RNF13: variants seen among roughly 807,000 people sequenced by gnomAD.
The protein encoded by RNF13 is ring finger protein 13, also known as E3 ubiquitin-protein ligase RNF13.
RNF13 carries 19 observed loss-of-function variants against 37.7 expected under a neutral mutation model. The observed-to-expected ratio is 0.50, with a 90% CI of 0.35 to 0.74. The LOEUF (loss-of-function observed/expected upper bound fraction) is 0.74. RNF13 is among the 30% of genes least tolerant of loss of function. The pLI is 0.01. For missense variants in RNF13, 375 were observed against 453.0 expected (o/e 0.83, Z 1.56); for synonymous variants, 144 against 157.8 (o/e 0.91, Z 0.65).
At chr3:149,892,276 A>G (rs1229046350) in intron 4 of RNF13, among the ~76,000 whole-genome samples, 1 of 152,202 alleles carries the variant, frequency 6.6e-6, no homozygotes, top group Non-Finnish European at 1.5e-5. Flanking sequence ...GGATGTGTGA[A>G]AGACATATTT....
intron 1 of RNF13, among the ~76,000 whole-genome samples, chr3:149,814,807 G>A (rs1425849157): frequency 1.3e-5 from 2 of 152,140 alleles, no homozygotes; most frequent in African/African-American, 2.4e-5. Context: ...AATAAGAAAT[G>A]AGTTGTTATG....
intron 1 of RNF13, among the ~76,000 whole-genome samples, chr3:149,842,587 A>T (rs1030542122): frequency 5.3e-5 from 8 of 152,226 alleles, no homozygotes; most frequent in Non-Finnish European, 7.3e-5. Flanking sequence ...TGCAATTATT[A>T]TAATGCCAGC....
intron 8 of RNF13, among the ~76,000 whole-genome samples, chr3:149,942,493 TG>T (rs1278618105): frequency 1.3e-5 from 2 of 152,132 alleles, no homozygotes; most frequent in African/African-American, 4.8e-5. Flanking sequence ...TGTTTTGTTT[TG>T]TTTTTTTTAC....
intron 7 of RNF13, among the ~76,000 whole-genome samples, chr3:149,918,234 T>TA (rs1279448432): frequency 8.5e-5 from 13 of 152,222 alleles, no homozygotes; most frequent in African/African-American, 2.7e-4. Context: ...ATTTTATACT[T>TA]ACAGCACATC....
At position 149,912,774 on chromosome 3, in the gene RNF13, G is replaced by A. The variant is rs567952306; in HGVS notation, c.606+691G>A. On this transcript the variant is annotated intron_variant, in intron 7 of 9. Coordinates refer to ENST00000392894, the MANE Select transcript of RNF13 (RefSeq NM_183381.3). ...GACATATTATTTCTCCATAACGGTGGTTATCAAAATACGGTTACAAGACTA... is the reference window on the plus strand; with the variant it reads ...GACATATTATTTCTCCATAACGGTGATTATCAAAATACGGTTACAAGACTA... 6.6e-5 allele frequency among the ~76,000 whole-genome samples: 10 copies of A among 152,128 alleles called. No individual in the cohort carries two copies. In the East Asian group the frequency reaches 1.2e-3, roughly 18 times the overall value.
At chr3:149,881,284 A>G (rs937353552) in intron 4 of RNF13, among the ~76,000 whole-genome samples, 5 of 152,176 alleles carry the variant, frequency 3.3e-5, no homozygotes, top group Admixed American at 2.6e-4. Flanking sequence ...GCTTGTCCAT[A>G]TGCCATAGAT....
chr3:149,874,030 G>T (rs939696961), intron 4 of RNF13, among the ~76,000 whole-genome samples: 3 of 152,126 alleles, frequency 2.0e-5, no homozygotes, highest in Admixed American at 6.5e-5. Context: ...AAACATGGAA[G>T]AAGTTTTCAG....
At chr3:149,885,808 G>A (rs1044167996) in intron 4 of RNF13, among the ~76,000 whole-genome samples, 2 of 152,112 alleles carry the variant, frequency 1.3e-5, no homozygotes, top group Non-Finnish European at 2.9e-5. Flanking sequence ...TTTTTGCCCA[G>A]ACAAATGTCC....
intron 4 of RNF13, among the ~76,000 whole-genome samples, chr3:149,873,544 T>A (rs1258756150): frequency 6.6e-6 from 1 of 152,198 alleles, no homozygotes; most frequent in African/African-American, 2.4e-5. Flanking sequence ...AATTTTATGT[T>A]GCAGCCATAC....
At chr3:149,902,014 A>C (rs1715893459) in intron 5 of RNF13, 58 bp from the exon 6 acceptor site, 1 of 706,060 alleles carries the variant, frequency 1.4e-6, no homozygotes, top group Non-Finnish European at 2.2e-6. Context: ...TATGAAGAAA[A>C]GTTGATTATA....
intron 1 of RNF13, among the ~76,000 whole-genome samples, chr3:149,842,068 C>T (rs1355442548): frequency 6.6e-6 from 1 of 152,182 alleles, no homozygotes; most frequent in Non-Finnish European, 1.5e-5. Flanking sequence ...ATCAGTCTCT[C>T]TCTCTTTTTT....
At chr3:149,954,793 T>C (rs1269251401) in intron 8 of RNF13, among the ~76,000 whole-genome samples, 1 of 152,212 alleles carries the variant, frequency 6.6e-6, no homozygotes, top group African/African-American at 2.4e-5. Context: ...TTTAGTTGTT[T>C]TCTTGCTTCT....
Position 149,907,570 on chromosome 3 carries a change from G to A in RNF13, c.501-4408G>A, listed in dbSNP as rs1161926190. The stretch of plus-strand genomic sequence containing the variant: ...TGACCTCTGGAGTAAGAGCTGTGTG[G>A]ATTCAAATCCTGGCTTCCATCACTT... On this transcript the variant is annotated intron_variant, in intron 6 of 9. Coordinates refer to ENST00000392894, the MANE Select transcript of RNF13 (RefSeq NM_183381.3). 4.6e-5 allele frequency among the ~76,000 whole-genome samples: 7 copies of A among 152,170 alleles called. No homozygotes were observed. The East Asian group carries it at 1.3e-3, about 29-fold the overall frequency.
At chr3:149,891,020 C>G (rs906477591) in intron 4 of RNF13, among the ~76,000 whole-genome samples, 2 of 152,112 alleles carry the variant, frequency 1.3e-5, no homozygotes, top group African/African-American at 4.8e-5. Context: ...CATCTTGATG[C>G]TTTCTCAGTT....
rs2108312662 is a variant in RNF13 at position 149,820,535 on chromosome 3, T to G, written c.-17+7182T>G. ...CATTAAATGTTGAAGAATACTTTAT[T>G]TGCATACTTACTATGTTTGTCATTT... On this transcript the variant is annotated intron_variant, in intron 1 of 9. Coordinates refer to ENST00000392894, the MANE Select transcript of RNF13 (RefSeq NM_183381.3). 2.0e-5 allele frequency among the ~76,000 whole-genome samples: 3 copies of G among 152,324 alleles called. No individual in the cohort carries two copies. The Middle Eastern group carries it at 0.01, about 518-fold the overall frequency.
intron 1 of RNF13, among the ~76,000 whole-genome samples, chr3:149,839,758 A>T (rs1394189739): frequency 6.6e-6 from 1 of 152,018 alleles, no homozygotes; most frequent in Non-Finnish European, 1.5e-5. Context: ...ATCATAGCTA[A>T]GGATTTTTTT....
At chr3:149,900,394 AT>A (rs1394597856) in intron 5 of RNF13, among the ~76,000 whole-genome samples, 2 of 152,222 alleles carry the variant, frequency 1.3e-5, no homozygotes, top group Admixed American at 6.5e-5. Flanking sequence ...ATAAAAAAAA[AT>A]ATAGTCCTAT....
chr3:149,859,427 A>G (rs1232722289), intron 3 of RNF13, among the ~76,000 whole-genome samples: 2 of 152,190 alleles, frequency 1.3e-5, no homozygotes, highest in African/African-American at 2.4e-5. Flanking sequence ...GGAATATAGC[A>G]TTTCATTTGA....
At chr3:149,881,510 T>C (rs1240034790) in intron 4 of RNF13, among the ~76,000 whole-genome samples, 1 of 152,066 alleles carries the variant, frequency 6.6e-6, no homozygotes, top group Non-Finnish European at 1.5e-5. Context: ...TTCATATTTT[T>C]AGTAGAGATG....
Sources: allele counts gnomAD v4.1 joint callset (sites outside exome capture counted in the v4.1 genomes callset), GRCh38; gene constraint gnomAD v4.1.1; transcripts MANE v1.5; gene names NCBI Gene and HGNC (gene_info 2026-07-23, HGNC 2026-07-21).